The following PHACTR1 variants were observed in gnomAD, a reference collection of about 807,000 sequenced individuals.
The protein encoded by PHACTR1 is RPEL repeat containing 1.
In PHACTR1, 16 loss-of-function variants were observed where a neutral mutation model predicts 69.2. The ratio of observed to expected loss-of-function variants is 0.23; its 90% confidence interval spans 0.16 to 0.35. The LOEUF (loss-of-function observed/expected upper bound fraction) is 0.35. PHACTR1 is among the 10% of genes least tolerant of loss of function. PHACTR1 has a pLI of 1.00. For synonymous variants in PHACTR1, 312 were observed against 284.5 expected, an observed-to-expected ratio of 1.10 and a Z score of -0.97; for missense variants, 510 against 734.7, an observed-to-expected ratio of 0.69 and a Z score of 3.54.
chr6:12,895,177 C>CT (rs139510433), intron 4 of PHACTR1, among the ~76,000 whole-genome samples: 112 of 88,264 alleles, frequency 1.3e-3, no homozygotes, highest in African/African-American at 2.1e-3. Context: ...TTTCTTTTTT[C>CT]TTTTTTTTTT....
chr6:13,232,762 G>C (rs755349022), intron 10 of PHACTR1, among the ~76,000 whole-genome samples: 5 of 152,102 alleles, frequency 3.3e-5, no homozygotes, highest in Admixed American at 6.5e-5. Context: ...GGGTGGTTGG[G>C]GTGGGTGGGT....
At chr6:12,849,389 G>A (rs1048040421) in intron 4 of PHACTR1, among the ~76,000 whole-genome samples, 5 of 152,128 alleles carry the variant, frequency 3.3e-5, no homozygotes, top group Admixed American at 6.5e-5. Context: ...ACCCTATGTC[G>A]GGGAATGTGA....
At chr6:12,751,277 A>G (rs1766585844) in intron 4 of PHACTR1, among the ~76,000 whole-genome samples, 1 of 152,222 alleles carries the variant, frequency 6.6e-6, no homozygotes, top group African/African-American at 2.4e-5. Flanking sequence ...GGAGCTGAAG[A>G]CAAGTTTATT....
At chr6:13,013,852 G>GGAGCAGCGCCCGGCCCCGGGCGCCC in intron 4 of PHACTR1, among the ~76,000 whole-genome samples, 1 of 148,978 alleles carries the variant, frequency 6.7e-6, no homozygotes, top group Admixed American at 6.7e-5. Flanking sequence ...CGCGGGGGCC[G>GGAGCAGCGCCCGGCCCCGGGCGCCC]GAGCAGCGCC....
chr6:12,792,735 T>C (rs1303502552), intron 4 of PHACTR1, among the ~76,000 whole-genome samples: 2 of 152,104 alleles, frequency 1.3e-5, no homozygotes, highest in African/African-American at 4.8e-5. Context: ...ACTCTGAGGC[T>C]TTTTAGATTT....
chr6:12,872,349 A>G (rs1782116079), intron 4 of PHACTR1, among the ~76,000 whole-genome samples: 1 of 152,228 alleles, frequency 6.6e-6, no homozygotes, highest in Non-Finnish European at 1.5e-5. Flanking sequence ...TGATGGATGC[A>G]TGGAAGTTTA....
At chr6:12,935,647 G>A (rs1182586537) in intron 4 of PHACTR1, among the ~76,000 whole-genome samples, 2 of 152,138 alleles carry the variant, frequency 1.3e-5, no homozygotes, top group Non-Finnish European at 2.9e-5. Flanking sequence ...GTGTGTGTAT[G>A]TGTGTATGTA....
At chr6:13,104,131 T>G (rs1048137101) in intron 5 of PHACTR1, among the ~76,000 whole-genome samples, 2 of 152,194 alleles carry the variant, frequency 1.3e-5, no homozygotes, top group African/African-American at 4.8e-5. Context: ...GAATTTCACC[T>G]ATTTTTTCCA....
chr6:12,778,559 C>A (rs72835668), intron 4 of PHACTR1, among the ~76,000 whole-genome samples: 26 of 152,276 alleles, frequency 1.7e-4, no homozygotes, highest in Admixed American at 2.6e-4. Flanking sequence ...CTGTTACACA[C>A]AAAAGGATTG....
At chr6:12,797,082 G>A (rs896563793) in intron 4 of PHACTR1, among the ~76,000 whole-genome samples, 1 of 151,306 alleles carries the variant, frequency 6.6e-6, no homozygotes, top group African/African-American at 2.4e-5. Flanking sequence ...TAGGACTCCA[G>A]TTGGAGAGAA....
intron 5 of PHACTR1, among the ~76,000 whole-genome samples, chr6:13,158,126 C>T (rs143042862): frequency 1.1e-3 from 165 of 152,292 alleles, no homozygotes; most frequent in Non-Finnish European, 1.9e-3. Flanking sequence ...AAATGATCCA[C>T]ACACCTCGGC....
At chr6:13,123,552 GA>G (rs1356694902) in intron 5 of PHACTR1, among the ~76,000 whole-genome samples, 2 of 152,180 alleles carry the variant, frequency 1.3e-5, no homozygotes, top group South Asian at 2.1e-4. Context: ...GAGGGAAAAT[GA>G]AAGTCATTAA....
In PHACTR1 at chr6:12,933,639, C is replaced by T. The variant is rs772415728; in HGVS notation, c.251-119726C>T. On this transcript the variant is annotated intron_variant, in intron 4 of 14. Coordinates refer to ENST00000332995, the MANE Select transcript of PHACTR1 (RefSeq NM_030948.6). ...ATGTTTCCACAATGTCCAGGCGTTT[C>T]CCTTTTTGGGGATATGGATGAAGCA... The T allele has an allele frequency of 5.6e-6, 9 of 1,612,584 alleles. No homozygotes were observed. The East Asian group carries it at 1.3e-4, about 24-fold the overall frequency.
chr6:13,002,349 G>T (rs1798189987), intron 4 of PHACTR1, among the ~76,000 whole-genome samples: 1 of 152,008 alleles, frequency 6.6e-6, no homozygotes, highest in South Asian at 2.1e-4. Context: ...TTTATTCACA[G>T]GAAAATGTCT....
At chr6:12,956,954 T>C (rs996531440) in intron 4 of PHACTR1, among the ~76,000 whole-genome samples, 1 of 152,078 alleles carries the variant, frequency 6.6e-6, no homozygotes, top group Non-Finnish European at 1.5e-5. Context: ...TACTCAAGAA[T>C]TGAACCGAAG....
chr6:13,098,713 T>C (rs1361060022), intron 5 of PHACTR1, among the ~76,000 whole-genome samples: 1 of 152,318 alleles, frequency 6.6e-6, no homozygotes, highest in Non-Finnish European at 1.5e-5. Context: ...CACCTCATTG[T>C]CTACCACCTC....
rs552054075 is a variant in PHACTR1 at position 12,816,648 on chromosome 6, T to A, written c.250+66858T>A. ...TTTTTCAGAAGCAATAAATCTTGTTTTTGTCTATAAAAATGGCAATAGGCA... is the reference window on the plus strand; with the variant it reads ...TTTTTCAGAAGCAATAAATCTTGTTATTGTCTATAAAAATGGCAATAGGCA... On this transcript the variant is annotated intron_variant, in intron 4 of 14. Transcript: ENST00000332995. 6.6e-5 allele frequency among the ~76,000 whole-genome samples: 10 copies of A among 152,344 alleles called. No individual in the cohort carries two copies. In the South Asian group the frequency reaches 2.1e-3, roughly 32 times the overall value.
At chr6:13,120,733 G>A (rs1480582057) in intron 5 of PHACTR1, among the ~76,000 whole-genome samples, 2 of 152,196 alleles carry the variant, frequency 1.3e-5, no homozygotes, top group East Asian at 1.9e-4. Flanking sequence ...GCCCCCACTT[G>A]TAGGAAAAAC....
chr6:12,821,811 A>C (rs1022155513), intron 4 of PHACTR1, among the ~76,000 whole-genome samples: 5 of 152,218 alleles, frequency 3.3e-5, no homozygotes, highest in Non-Finnish European at 7.3e-5. Flanking sequence ...TTTAGAAAGA[A>C]GAAGGGAGGC....
Sources: allele counts gnomAD v4.1 joint callset (sites outside exome capture counted in the v4.1 genomes callset), GRCh38; gene constraint gnomAD v4.1.1; transcripts MANE v1.5; gene names NCBI Gene and HGNC (gene_info 2026-07-23, HGNC 2026-07-21).